The following ADGRL2 variants were observed in gnomAD, a reference collection of about 807,000 sequenced individuals.
ADGRL2 encodes adhesion G protein-coupled receptor L2.
Under a neutral mutation model 157.4 loss-of-function variants are expected in ADGRL2, and 44 were observed. The observed-to-expected ratio is 0.28, with a 90% CI of 0.22 to 0.36. The LOEUF (loss-of-function observed/expected upper bound fraction) is 0.36. Ranked by LOEUF, ADGRL2 falls within the 10% of genes least tolerant of loss-of-function variation. The probability of loss-of-function intolerance (pLI) is 1.00; values close to 1 mark genes in which losing one functional copy is unlikely to be tolerated. For missense variants in ADGRL2, 1,510 were observed against 1,768.9 expected, an observed-to-expected ratio of 0.85 and a Z score of 2.63; for synonymous variants, 585 against 624.7, an observed-to-expected ratio of 0.94 and a Z score of 0.95.
At chr1:81,803,353 G>T (rs1409364068) in intron 1 of ADGRL2, among the ~76,000 whole-genome samples, 1 of 152,006 alleles carries the variant, frequency 6.6e-6, no homozygotes, top group Admixed American at 6.6e-5. Flanking sequence ...TGTTCCTTTC[G>T]CCAGACTGCG....
At chr1:81,665,937 A>T (rs2082742197) in intron 3 of ADGRL2, among the ~76,000 whole-genome samples, 1 of 152,146 alleles carries the variant, frequency 6.6e-6, no homozygotes, top group Admixed American at 6.6e-5. Context: ...GAATGAGCTC[A>T]GCTGTTAGGT....
chr1:81,675,723 A>G lies in ADGRL2; in HGVS notation c.-142-86088A>G, dbSNP rs1053486226. ...CAGCCTCCCGAGTAGCTGGGATTAC[A>G]GGCGTGTGCCATCACACCCAGCTGA... On this transcript the variant is annotated intron_variant, in intron 3 of 24. Transcript: ENST00000370721. 2.1e-4 allele frequency among the ~76,000 whole-genome samples: 32 copies of G among 151,392 alleles called. 1 individual carries two copies. Among genetic ancestry groups the G allele is most frequent in the African/African-American group, 7.0e-4 (29 of 41,162 alleles).
At chr1:81,878,094 G>A (rs984733583) in intron 2 of ADGRL2, among the ~76,000 whole-genome samples, 6 of 152,038 alleles carry the variant, frequency 3.9e-5, no homozygotes, top group Admixed American at 1.3e-4. Context: ...CTACAGTTTC[G>A]TGAGTTTAGT....
intron 2 of ADGRL2, among the ~76,000 whole-genome samples, chr1:81,790,376 C>T (rs2087274898): frequency 6.6e-6 from 1 of 152,162 alleles, no homozygotes; most frequent in Non-Finnish European, 1.5e-5. Flanking sequence ...AAATAACACA[C>T]ACACACAAAC....
intron 1 of ADGRL2, among the ~76,000 whole-genome samples, chr1:81,361,002 C>T (rs1429216120): frequency 1.3e-5 from 2 of 151,786 alleles, no homozygotes; most frequent in Non-Finnish European, 3.0e-5. Context: ...AGGAAACTCC[C>T]CTCTCCCAGC....
At chr1:81,495,514 A>G (rs1419499880) in intron 2 of ADGRL2, among the ~76,000 whole-genome samples, 1 of 152,192 alleles carries the variant, frequency 6.6e-6, no homozygotes, top group African/African-American at 2.4e-5. Flanking sequence ...AATATTGAAT[A>G]ACCCTCTCCC....
At chr1:81,459,092 G>A (rs953548534) in intron 2 of ADGRL2, among the ~76,000 whole-genome samples, 4 of 152,122 alleles carry the variant, frequency 2.6e-5, no homozygotes, top group African/African-American at 7.2e-5. Context: ...GTTTTTAAGG[G>A]CTCAGAATAT....
At chr1:81,958,001 A>C (rs1005287564) in intron 11 of ADGRL2, among the ~76,000 whole-genome samples, 4 of 144,010 alleles carry the variant, frequency 2.8e-5, no homozygotes, top group Non-Finnish European at 6.0e-5. Context: ...TCTCTACTAA[A>C]AAATACAAAA....
chr1:81,802,620 C>G (rs77036373), intron 1 of ADGRL2, among the ~76,000 whole-genome samples: 4,401 of 152,204 alleles, frequency 0.029, 105 homozygotes, highest in African/African-American at 0.054. Context: ...CGTCCTTTCA[C>G]TGGGGGCCTG....
At chr1:81,755,334 C>A (rs903594340) in intron 1 of ADGRL2, among the ~76,000 whole-genome samples, 2 of 151,398 alleles carry the variant, frequency 1.3e-5, no homozygotes, top group Admixed American at 1.3e-4. Flanking sequence ...CTAATAAGCA[C>A]TCAAAGCACT....
chr1:81,984,500 G>T, intron 19 of ADGRL2, 83 bp from the exon 20 acceptor site: 4 of 1,304,476 alleles, frequency 3.1e-6, no homozygotes, highest in Non-Finnish European at 4.1e-6. Flanking sequence ...ATTCTTTTCG[G>T]TTGTCTTCAC....
chr1:81,352,626 A>G (rs1204054081), intron 1 of ADGRL2, among the ~76,000 whole-genome samples: 1 of 152,186 alleles, frequency 6.6e-6, no homozygotes, highest in African/African-American at 2.4e-5. Flanking sequence ...TTAGTGTTAT[A>G]TGGCCTTCCT....
intron 2 of ADGRL2, among the ~76,000 whole-genome samples, chr1:81,844,587 C>T (rs975657197): frequency 6.6e-6 from 1 of 152,144 alleles, no homozygotes; most frequent in Non-Finnish European, 1.5e-5. Flanking sequence ...CCCTCCTCTG[C>T]AAGACAAAGA....
At chr1:81,600,773 G>C (rs1243253380) in intron 3 of ADGRL2, among the ~76,000 whole-genome samples, 1 of 152,198 alleles carries the variant, frequency 6.6e-6, no homozygotes, top group Non-Finnish European at 1.5e-5. Flanking sequence ...TAGTGGTGTA[G>C]CTGGAGGACC....
intron 2 of ADGRL2, among the ~76,000 whole-genome samples, chr1:81,529,663 T>C (rs553954128): frequency 2.0e-5 from 3 of 152,352 alleles, no homozygotes; most frequent in East Asian, 1.9e-4. Flanking sequence ...GTTGAATCTA[T>C]AGATGCGGAC....
chr1:81,808,485 A>G (rs1401376714), intron 1 of ADGRL2, among the ~76,000 whole-genome samples: 2 of 151,904 alleles, frequency 1.3e-5, no homozygotes, highest in South Asian at 4.1e-4. Context: ...TTTTGTTTTT[A>G]TGAAAGCTAT....
intron 2 of ADGRL2, among the ~76,000 whole-genome samples, chr1:81,496,595 G>A (rs1387241144): frequency 6.6e-6 from 1 of 150,918 alleles, no homozygotes; most frequent in Non-Finnish European, 1.5e-5. Context: ...GACTCTGAAA[G>A]AAGATTATGA....
intron 6 of ADGRL2, among the ~76,000 whole-genome samples, chr1:81,946,484 T>C (rs909050291): frequency 2.6e-5 from 4 of 152,036 alleles, no homozygotes; most frequent in Admixed American, 1.3e-4. Flanking sequence ...TTTCCAGTCC[T>C]GTTTTAACTC....
At chr1:81,463,124 A>G (rs1249584920) in intron 2 of ADGRL2, among the ~76,000 whole-genome samples, 1 of 151,196 alleles carries the variant, frequency 6.6e-6, no homozygotes, top group East Asian at 2.0e-4. Context: ...CAAAAAAAAA[A>G]AAAAAAAAAA....
Sources: allele counts gnomAD v4.1 joint callset (sites outside exome capture counted in the v4.1 genomes callset), GRCh38; gene constraint gnomAD v4.1.1; transcripts MANE v1.5; gene names NCBI Gene and HGNC (gene_info 2026-07-23, HGNC 2026-07-21).